The following TPST1 variants were observed in gnomAD, a reference collection of about 807,000 sequenced individuals.
TPST1 encodes the protein tyrosylprotein sulfotransferase 1, also known as protein-tyrosine sulfotransferase 1.
In TPST1, 20 loss-of-function variants were observed where a neutral mutation model predicts 34.8. The ratio of observed to expected loss-of-function variants is 0.57; its 90% CI spans 0.40 to 0.84. TPST1 has a LOEUF of 0.84. Ranked by LOEUF, TPST1 falls within the 40% of genes least tolerant of loss-of-function variation. The pLI, the probability that TPST1 is intolerant of heterozygous loss-of-function variation, is 0.00. For missense variants in TPST1, 353 were observed against 455.5 expected, an observed-to-expected ratio of 0.78 and a Z score of 2.05; for synonymous variants, 152 against 159.4, an observed-to-expected ratio of 0.95 and a Z score of 0.35.
At chr7:66,273,104 A>T (rs1790737028) in intron 2 of TPST1, among the ~76,000 whole-genome samples, 1 of 152,262 alleles carries the variant, frequency 6.6e-6, no homozygotes, top group Non-Finnish European at 1.5e-5. Context: ...CAAAGTCAAC[A>T]TTCAAAAATC....
chr7:66,242,215 GT>G (rs925121207), intron 2 of TPST1, among the ~76,000 whole-genome samples: 27 of 150,634 alleles, frequency 1.8e-4, no homozygotes, highest in Middle Eastern at 3.4e-3. Flanking sequence ...TTTTATTTTT[GT>G]TTTTTTTCTT....
Position 66,359,988 on chromosome 7 carries a change from C to CT in TPST1, c.*124dup. ...AGCGTCTGCACCTTGGCTGCGCCGC[C>CT]TGTGCATTTGCCAGTTTCCTCCCAC... On this transcript the variant is annotated 3_prime_UTR_variant, in exon 6 of 6. Coordinates refer to ENST00000304842, the MANE Select transcript of TPST1 (RefSeq NM_003596.4). The CT allele has an allele frequency of 2.2e-6, 1 of 456,602 alleles. No homozygotes were observed. Among genetic ancestry groups the CT allele is most frequent in the South Asian group, 1.5e-5 (1 of 64,560 alleles). 28.3% of individuals were successfully genotyped at this position (456,602 alleles called of 1,614,324 possible).
chr7:66,263,671 G>T (rs1790532092), intron 2 of TPST1, among the ~76,000 whole-genome samples: 1 of 152,060 alleles, frequency 6.6e-6, no homozygotes, highest in Non-Finnish European at 1.5e-5. Context: ...TATCTTTTTA[G>T]CCACACAGCA....
chr7:66,333,177 A>T (rs1420286817), intron 3 of TPST1, among the ~76,000 whole-genome samples: 1 of 152,074 alleles, frequency 6.6e-6, no homozygotes, highest in African/African-American at 2.4e-5. Context: ...ATTATACCTC[A>T]CTCCAAAAAC....
chr7:66,325,010 C>T (rs1333127772), intron 3 of TPST1, among the ~76,000 whole-genome samples: 1 of 152,080 alleles, frequency 6.6e-6, no homozygotes, highest in East Asian at 1.9e-4. Flanking sequence ...CGTTTTCATA[C>T]TGCTATAAAG....
chr7:66,306,854 C>T (rs111555909), intron 3 of TPST1, among the ~76,000 whole-genome samples: 2,168 of 150,674 alleles, frequency 0.014, 26 homozygotes, highest in Middle Eastern at 0.028. Flanking sequence ...CTTGGGATTA[C>T]GGGCAGCCGC....
intron 2 of TPST1, among the ~76,000 whole-genome samples, chr7:66,249,194 G>GT (rs1247897340): frequency 9.3e-5 from 14 of 151,010 alleles, no homozygotes; most frequent in South Asian, 4.2e-4. Context: ...GAAGATTCCT[G>GT]TTTTTTTTAA....
At chr7:66,352,365 T>C (rs1792497444) in intron 3 of TPST1, 140 bp from the exon 4 acceptor site, 6 of 1,484,564 alleles carry the variant, frequency 4.0e-6, no homozygotes, top group Non-Finnish European at 4.5e-6. Flanking sequence ...TGGCTGCTCT[T>C]GAACTGACAG....
At chr7:66,205,118 C>T (rs1290304002), upstream of TPST1, 3 of 152,230 alleles carry the variant, frequency 2.0e-5, no homozygotes, top group Non-Finnish European at 4.4e-5. This position sits in a 1 kb window ranked among gnomAD's most constrained non-coding sequence, Gnocchi z 5.0. Context: ...ACGGGAAGGG[C>T]TGTGGGGGCG....
At chr7:66,232,416 A>C (rs964820757) in intron 1 of TPST1, among the ~76,000 whole-genome samples, 2 of 151,730 alleles carry the variant, frequency 1.3e-5, no homozygotes, top group Admixed American at 1.3e-4. Flanking sequence ...TCTGTCTCCC[A>C]GGCTGGAGTG....
chr7:66,356,925 A>AG, intron 5 of TPST1, 54 bp downstream of exon 5: 2 of 1,597,470 alleles, frequency 1.3e-6, no homozygotes, highest in Non-Finnish European at 1.7e-6. Flanking sequence ...GGGCTCTTGC[A>AG]GGGGGCTGGG....
At chr7:66,258,123 C>T (rs1029511184) in intron 2 of TPST1, among the ~76,000 whole-genome samples, 5 of 151,880 alleles carry the variant, frequency 3.3e-5, no homozygotes, top group Non-Finnish European at 7.4e-5. Context: ...TTTCCCTTTT[C>T]TTACTCTCTA....
chr7:66,215,478 G>A (rs1281145974), intron 1 of TPST1, among the ~76,000 whole-genome samples: 1 of 145,684 alleles, frequency 6.9e-6, no homozygotes, highest in African/African-American at 2.5e-5. Flanking sequence ...GGGTTCACAC[G>A]ATTCTCCTTC....
At chr7:66,328,302 C>A (rs1791913741) in intron 3 of TPST1, among the ~76,000 whole-genome samples, 1 of 151,914 alleles carries the variant, frequency 6.6e-6, no homozygotes, top group Non-Finnish European at 1.5e-5. Flanking sequence ...GCTGGGATTA[C>A]AGACGTGAGC....
intron 1 of TPST1, among the ~76,000 whole-genome samples, chr7:66,236,532 C>T (rs1789916079): frequency 6.6e-6 from 1 of 151,968 alleles, no homozygotes. Context: ...ACTGCCTTTG[C>T]TTTGAGCTGT....
intron 2 of TPST1, among the ~76,000 whole-genome samples, chr7:66,257,408 C>G (rs1790401922): frequency 6.6e-6 from 1 of 152,130 alleles, no homozygotes; most frequent in African/African-American, 2.4e-5. Context: ...GTTACTAGTC[C>G]ATATCAATTC....
intron 2 of TPST1, among the ~76,000 whole-genome samples, chr7:66,278,782 A>G (rs1040799292): frequency 6.6e-6 from 1 of 151,912 alleles, no homozygotes; most frequent in African/African-American, 2.4e-5. Context: ...TGGGTGGCAG[A>G]ACGAGATTCC....
chr7:66,264,802 TCCCTGAGGAAG>T (rs1790558846), intron 2 of TPST1, among the ~76,000 whole-genome samples: 1 of 152,146 alleles, frequency 6.6e-6, no homozygotes, highest in Admixed American at 6.5e-5. Context: ...ATAGAAATTG[TCCCTGAGGAAG>T]CCCAGACGTT....
rs778206292 is a variant in TPST1 at position 66,240,553 on chromosome 7, A to G, written c.128A>G (p.Lys43Arg). 7 of 1,614,178 alleles carry G rather than the reference A, an allele frequency of 4.3e-6. 1 individual carries two copies. In the South Asian group the frequency reaches 7.7e-5, roughly 18 times the overall value. Residue 43 changes from lysine (K) to arginine (R), a missense_variant, in exon 2 of 6, where the codon AAA becomes AGA. By Grantham distance (26) the Lys-to-Arg change is conservative. Coordinates refer to ENST00000304842, the MANE Select transcript of TPST1 (RefSeq NM_003596.4). The stretch of plus-strand genomic sequence containing the variant: ...ATAGAGGAACGTAGCCAGCCAGTCA[A>G]ATTGGAGAGCACAAGGACCACTGTG... The part of the protein sequence containing the change: ...HRIEERSQPV[K>R]LESTRTTVRT...
Sources: gnomAD v4.1 joint callset for allele counts (sites outside exome capture counted in the v4.1 genomes callset) on GRCh38, gnomAD v4.1.1 for gene constraint, Gnocchi (gnomAD v3.1) non-coding constraint, MANE v1.5 for transcripts, NCBI Gene and HGNC (gene_info 2026-07-23, HGNC 2026-07-21) for gene names.